The following RFX3 variants were observed in gnomAD, a reference collection of about 807,000 sequenced individuals.
The protein encoded by RFX3 is transcription factor RFX3.
In RFX3, 14 loss-of-function variants were observed where a neutral mutation model predicts 98.6. That is an observed-to-expected ratio of 0.14 (90% CI 0.09 to 0.22). The LOEUF (loss-of-function observed/expected upper bound fraction) is 0.22, where lower values mean the gene tolerates loss of function less well. Among genes scored for constraint, RFX3 ranks in the 10% least tolerant of loss-of-function variants. The probability of loss-of-function intolerance (pLI) is 1.00; values close to 1 mark genes in which losing one functional copy is unlikely to be tolerated. For synonymous variants in RFX3, 383 were observed against 328.4 expected, an observed-to-expected ratio of 1.17 and a Z score of -1.80; for missense variants, 639 against 926.9, an observed-to-expected ratio of 0.69 and a Z score of 4.03.
At chr9:3,249,613 A>G (rs1199580742) in intron 14 of RFX3, among the ~76,000 whole-genome samples, 1 of 152,160 alleles carries the variant, frequency 6.6e-6, no homozygotes, top group African/African-American at 2.4e-5. Flanking sequence ...AATAGCAATT[A>G]TTATATGATG....
chr9:3,512,054 C>G (rs1162131813), intron 1 of RFX3, among the ~76,000 whole-genome samples: 4 of 151,900 alleles, frequency 2.6e-5, no homozygotes, highest in Non-Finnish European at 5.9e-5. Context: ...ATCGAAATAT[C>G]CCTTAAATAT....
chr9:3,351,021 T>C (rs1028459000), intron 2 of RFX3, among the ~76,000 whole-genome samples: 2 of 152,172 alleles, frequency 1.3e-5, no homozygotes, highest in African/African-American at 4.8e-5. Flanking sequence ...GGTGGATACA[T>C]GTCATTATAC....
chr9:3,399,839 C>T (rs996613064), intron 1 of RFX3, among the ~76,000 whole-genome samples: 4 of 151,560 alleles, frequency 2.6e-5, no homozygotes, highest in Non-Finnish European at 2.9e-5. Context: ...ATCCCAGCTA[C>T]TCAGGAGGCT....
chr9:3,325,629 A>G (rs1402674176), intron 4 of RFX3, among the ~76,000 whole-genome samples: 1 of 152,070 alleles, frequency 6.6e-6, no homozygotes, highest in African/African-American at 2.4e-5. Context: ...ATCTAATTAT[A>G]AGAATAAAAA....
intron 1 of RFX3, among the ~76,000 whole-genome samples, chr9:3,467,305 AATAT>A (rs1396713067): frequency 6.8e-6 from 1 of 146,046 alleles, no homozygotes; most frequent in Non-Finnish European, 1.5e-5. Context: ...CACACACACA[AATAT>A]ATATATGTGT....
chr9:3,478,409 CTTTTTTT>C (rs200717765), intron 1 of RFX3, among the ~76,000 whole-genome samples: 3 of 127,850 alleles, frequency 2.3e-5, no homozygotes, highest in African/African-American at 8.5e-5. Context: ...TCTGCTAGAA[CTTTTTTT>C]TTTTTTTTTT....
intron 1 of RFX3, among the ~76,000 whole-genome samples, chr9:3,445,142 G>C (rs1845935327): frequency 1.3e-5 from 2 of 151,898 alleles, no homozygotes; most frequent in Non-Finnish European, 2.9e-5. Context: ...ATCTTCAACT[G>C]AGTTATCTTT....
chr9:3,456,929 A>G (rs894642684), intron 1 of RFX3, among the ~76,000 whole-genome samples: 1 of 151,972 alleles, frequency 6.6e-6, no homozygotes, highest in African/African-American at 2.4e-5. Flanking sequence ...CGGGTGGATC[A>G]TGAGGTCAAG....
At position 3,368,746 on chromosome 9, in the gene RFX3, G is replaced by A. The variant is rs919564863; in HGVS notation, c.118-21982C>T. 2.0e-5 allele frequency among the ~76,000 whole-genome samples: 3 copies of A among 152,072 alleles called. No homozygotes were observed. In the East Asian group the frequency reaches 5.8e-4, roughly 29 times the overall value. On this transcript the variant is annotated intron_variant, in intron 2 of 16. Transcript: ENST00000617270. ...CCTAAAATCTATCACCCACCTGCCT[G>A]GAACCCTTCAACAAAGAATGACTCC...
chr9:3,501,018 G>A (rs1016064099), intron 1 of RFX3, among the ~76,000 whole-genome samples: 7 of 152,254 alleles, frequency 4.6e-5, no homozygotes, highest in Middle Eastern at 6.8e-3. Flanking sequence ...TGTGCCTTCT[G>A]GTATTCATTG....
intron 1 of RFX3, among the ~76,000 whole-genome samples, chr9:3,399,689 C>T (rs573656552): frequency 4.6e-5 from 7 of 151,874 alleles, no homozygotes; most frequent in South Asian, 4.2e-4. Context: ...CAGTGGCTCA[C>T]GCTTGTAATC....
intron 1 of RFX3, among the ~76,000 whole-genome samples, chr9:3,420,068 C>A (rs1169394978): frequency 1.3e-5 from 2 of 152,196 alleles, no homozygotes; most frequent in African/African-American, 4.8e-5. Context: ...GCAGAAAGAA[C>A]GTCGGGGCCC....
intron 1 of RFX3, among the ~76,000 whole-genome samples, chr9:3,418,230 T>G (rs1473664342): frequency 6.6e-6 from 1 of 152,210 alleles, no homozygotes; most frequent in Non-Finnish European, 1.5e-5. Context: ...TAAAATGGTA[T>G]AAATAGTTCT....
Position 3,346,749 on chromosome 9 carries a change from T to G in RFX3, c.133A>C (p.Thr45Pro), listed in dbSNP as rs372587893. The G allele has an allele frequency of 1.9e-6, 3 of 1,612,878 alleles. No individual in the cohort carries two copies. The highest frequency in any genetic ancestry group is 2.5e-6 in the Non-Finnish European group (3 of 1,179,056). ...TAGACATGTTGTACCTGCTGCACAG[T>G]CTGTACCTGCTGTACCTGAAAAACA... ...PVQQQVQQVQ[T>P]VQQVQHVYPA... Residue 45 changes from threonine to proline, a missense_variant, in exon 3 of 17, where the codon ACT (threonine) becomes CCT (proline). Physicochemically the swap from Thr to Pro is conservative, Grantham distance 38. This residue lies in a region of RFX3 where 210 missense variants were observed against 197.7 expected (regional missense o/e 1.06). Transcript: ENST00000617270.
At chr9:3,237,890 C>T (rs832307) in intron 15 of RFX3, among the ~76,000 whole-genome samples, 116,684 of 151,688 alleles carry the variant, frequency 0.77, 47,721 homozygotes, top group East Asian at 0.97. Context: ...TATCCCACGC[C>T]TGAGCCCATG....
At chr9:3,225,565 T>C (rs945824625) in intron 16 of RFX3, among the ~76,000 whole-genome samples, 4 of 152,184 alleles carry the variant, frequency 2.6e-5, no homozygotes, top group African/African-American at 9.7e-5. Flanking sequence ...GGAATTTCCC[T>C]AAGTGTTATA....
At chr9:3,424,688 A>G (rs879468462) in intron 1 of RFX3, among the ~76,000 whole-genome samples, 32 of 152,138 alleles carry the variant, frequency 2.1e-4, no homozygotes, top group Admixed American at 1.4e-3. Flanking sequence ...TAATTAAAAA[A>G]GAAACTATGT....
intron 4 of RFX3, among the ~76,000 whole-genome samples, chr9:3,323,632 G>T (rs951762442): frequency 1.3e-5 from 2 of 152,090 alleles, no homozygotes; most frequent in African/African-American, 4.8e-5. Flanking sequence ...GATCTTGTAT[G>T]ACATAGAATC....
At chr9:3,503,584 A>C (rs1285604853) in intron 1 of RFX3, among the ~76,000 whole-genome samples, 2 of 152,160 alleles carry the variant, frequency 1.3e-5, no homozygotes, top group Non-Finnish European at 2.9e-5. Context: ...AGTACACAGA[A>C]AACCCCATTC....
Sources: allele counts gnomAD v4.1 joint callset (sites outside exome capture counted in the v4.1 genomes callset), GRCh38; gene constraint gnomAD v4.1.1; regional missense constraint gnomAD v4.1.1; transcripts MANE v1.5; gene names NCBI Gene and HGNC (gene_info 2026-07-23, HGNC 2026-07-21).